The following PLCG2 variants were observed in gnomAD, a reference collection of about 807,000 sequenced individuals.
PLCG2 encodes the protein phospholipase C gamma 2, also known as 1-phosphatidylinositol 4,5-bisphosphate phosphodiesterase gamma-2.
Under a neutral mutation model 175.6 loss-of-function variants are expected in PLCG2, and 69 were observed. The ratio of observed to expected loss-of-function variants is 0.39; its 90% confidence interval spans 0.32 to 0.48. The LOEUF (loss-of-function observed/expected upper bound fraction) is 0.48, where lower values mean the gene tolerates loss of function less well. Ranked by LOEUF, PLCG2 falls within the 20% of genes least tolerant of loss-of-function variation. PLCG2 has a pLI of 0.91. For missense variants in PLCG2, 1,798 were observed against 1,650.9 expected (o/e 1.09, Z -1.54); for synonymous variants, 827 against 624.0 (o/e 1.33, Z -4.85).
chr16:81,859,232 A>T (rs1241231643), intron 5 of PLCG2, 69 bp downstream of exon 5: 5 of 1,002,422 alleles, frequency 5.0e-6, no homozygotes, highest in Non-Finnish European at 6.4e-6. Flanking sequence ...AAACCTTCCA[A>T]GGGGGTGGGA....
In PLCG2 at chr16:81,919,878, T is replaced by C. The variant is rs563190014; in HGVS notation, c.2235+214T>C. ...CAACAAATGACATTTAAAATATCCA[T>C]AGCATGTGCCAGATGGTGATGAGTG... is the stretch of plus-strand genomic sequence containing the variant. On this transcript the variant is annotated intron_variant, in intron 20 of 32. Coordinates refer to ENST00000564138, the MANE Select transcript of PLCG2 (RefSeq NM_002661.5). Among the ~76,000 whole-genome samples, 3 of 152,238 alleles carry C rather than the reference T, an allele frequency of 2.0e-5. No individual in the cohort carries two copies. In the East Asian group the frequency reaches 5.8e-4, roughly 29 times the overall value.
chr16:81,883,568 G>C (rs1391817664), intron 9 of PLCG2: 1 of 582,426 alleles, frequency 1.7e-6, no homozygotes, highest in East Asian at 2.9e-5. Flanking sequence ...CCTCATGTCG[G>C]GCCTCTTTTG....
intron 19 of PLCG2, 84 bp downstream of exon 19, chr16:81,912,800 G>A (rs1186228099): frequency 2.1e-6 from 3 of 1,443,356 alleles, no homozygotes; most frequent in Non-Finnish European, 2.8e-6. Flanking sequence ...ACTTCAGGTG[G>A]AGGCTCACCT....
intron 2 of PLCG2, among the ~76,000 whole-genome samples, chr16:81,814,167 T>C (rs1904436856): frequency 6.6e-6 from 1 of 152,162 alleles, no homozygotes; most frequent in African/African-American, 2.4e-5. Context: ...GATATAAATG[T>C]CTTAAGATAC....
intron 31 of PLCG2, among the ~76,000 whole-genome samples, chr16:81,948,654 T>G (rs1911246905): frequency 1.3e-5 from 2 of 152,070 alleles, no homozygotes; most frequent in African/African-American, 2.4e-5. Context: ...CTGGTCCTGG[T>G]TTTTGAGGTT....
intron 2 of PLCG2, among the ~76,000 whole-genome samples, chr16:81,839,550 ATACT>A (rs1905711463): frequency 6.6e-6 from 1 of 152,154 alleles, no homozygotes; most frequent in Non-Finnish European, 1.5e-5. Flanking sequence ...TTTATATCTA[ATACT>A]TATTTTAATA....
chr16:81,825,595 C>T (rs942456178), intron 2 of PLCG2, among the ~76,000 whole-genome samples: 60 of 151,918 alleles, frequency 3.9e-4, no homozygotes, highest in South Asian at 4.2e-4. Flanking sequence ...GCGCCCAGCC[C>T]GAGATGCTCT....
chr16:81,846,178 C>T (rs1906104851), intron 2 of PLCG2, among the ~76,000 whole-genome samples: 1 of 152,154 alleles, frequency 6.6e-6, no homozygotes, highest in Non-Finnish European at 1.5e-5. Flanking sequence ...ATCTGCATCA[C>T]CTAGGAGGTT....
At chr16:81,932,665 T>C (rs1910551244) in intron 25 of PLCG2, among the ~76,000 whole-genome samples, 1 of 152,190 alleles carries the variant, frequency 6.6e-6, no homozygotes, top group Non-Finnish European at 1.5e-5. Flanking sequence ...CACGAGAGGA[T>C]CCTTGACTCA....
At chr16:81,929,972 C>T (rs1373704475) in intron 24 of PLCG2, among the ~76,000 whole-genome samples, 1 of 152,120 alleles carries the variant, frequency 6.6e-6, no homozygotes, top group Non-Finnish European at 1.5e-5. Context: ...TTGAACTGAG[C>T]CTCAGTTTTA....
chr16:81,881,581 C>G (rs917160380), intron 8 of PLCG2, among the ~76,000 whole-genome samples: 1 of 152,226 alleles, frequency 6.6e-6, no homozygotes, highest in Non-Finnish European at 1.5e-5. Flanking sequence ...CAACTTTTCC[C>G]TCTGTCACTT....
chr16:81,816,059 C>A (rs1204690030), intron 2 of PLCG2, among the ~76,000 whole-genome samples: 5 of 25,864 alleles, frequency 1.9e-4, no homozygotes, highest in Admixed American at 1.4e-3. Flanking sequence ...ATGACTTCAT[C>A]TTTAAAAAAA....
Position 81,961,433 on chromosome 16 carries a change from T to C in PLCG2, c.*3435T>C, listed in dbSNP as rs115615361. 45 of 226,512 alleles carry C rather than the reference T, an allele frequency of 2.0e-4. No individual in the cohort carries two copies. The highest frequency in any genetic ancestry group is 8.2e-4 in the African/African-American group (37 of 45,100). 14.0% of individuals were successfully genotyped at this position (226,512 alleles called of 1,614,324 possible). A position where few individuals can be genotyped will look rare whatever the true frequency, so the allele number is the denominator to read the frequency against. On this transcript the variant is annotated 3_prime_UTR_variant, in exon 33 of 33. Coordinates refer to ENST00000564138, the MANE Select transcript of PLCG2 (RefSeq NM_002661.5). Reference sequence around the variant, plus strand: ...AATTTAGTGAAATTTGGGCTATGTGTTTATTGATTCAGCTCAATCCAGAGG... The same window carrying C: ...AATTTAGTGAAATTTGGGCTATGTGCTTATTGATTCAGCTCAATCCAGAGG...
At chr16:81,891,436 A>G (rs536012555) in intron 10 of PLCG2, 36 bp from the exon 11 acceptor site, 18 of 1,139,822 alleles carry the variant, frequency 1.6e-5, no homozygotes, top group Non-Finnish European at 2.4e-5. Context: ...CTGCCCGTCA[A>G]CGTGATGATT....
intron 9 of PLCG2, among the ~76,000 whole-genome samples, chr16:81,885,921 A>C (rs1470381453): frequency 6.6e-6 from 1 of 152,206 alleles, no homozygotes; most frequent in Non-Finnish European, 1.5e-5. Flanking sequence ...TATTTGCCCA[A>C]CCTGAGACTA....
chr16:81,766,266 A>T (rs934432686), intron 2 of PLCG2, among the ~76,000 whole-genome samples: 8 of 152,180 alleles, frequency 5.3e-5, no homozygotes, highest in African/African-American at 1.9e-4. Context: ...GAGGCATAGG[A>T]GGGAAACACA....
Position 81,912,656 on chromosome 16 carries a change from G to A in PLCG2, c.1994G>A (p.Arg665Gln). Residue 665 changes from arginine to glutamine, a missense_variant, in exon 19 of 33, where the codon CGG becomes CAG. Arg to Gln is a conservative substitution (Grantham distance 43). Coordinates refer to ENST00000564138, the MANE Select transcript of PLCG2 (RefSeq NM_002661.5). ...GAGGACATGCTGATGAGGATTCCCC[G>A]GGACGGGGCCTTCCTGATCCGGAAG... The part of the protein sequence containing the change: ...EAEDMLMRIP[R>Q]DGAFLIRKRE... 3 of 1,613,058 alleles carry A rather than the reference G, an allele frequency of 1.9e-6. No individual in the cohort carries two copies. The highest frequency in any genetic ancestry group is 2.5e-6 in the Non-Finnish European group (3 of 1,179,690).
intron 2 of PLCG2, among the ~76,000 whole-genome samples, chr16:81,852,978 C>G (rs1034616809): frequency 6.6e-6 from 1 of 152,190 alleles, no homozygotes; most frequent in African/African-American, 2.4e-5. Flanking sequence ...AGTCTGACTT[C>G]TTACACAGAG....
chr16:81,890,503 A>T (rs573082368), intron 10 of PLCG2, among the ~76,000 whole-genome samples: 1 of 152,146 alleles, frequency 6.6e-6, no homozygotes, highest in African/African-American at 2.4e-5. Context: ...ACTCTTCTCT[A>T]CTGACCGTGT....
Sources: allele counts gnomAD v4.1 joint callset (sites outside exome capture counted in the v4.1 genomes callset), GRCh38; gene constraint gnomAD v4.1.1; transcripts MANE v1.5; gene names NCBI Gene and HGNC (gene_info 2026-07-23, HGNC 2026-07-21).